Variants in SNRPN observed in about 807,000 individuals in gnomAD.
The protein encoded by SNRPN is small nuclear ribonucleoprotein-associated protein N.
Under a neutral mutation model 25.2 loss-of-function variants are expected in SNRPN, and 7 were observed. The ratio of observed to expected loss-of-function variants is 0.28; its 90% confidence interval spans 0.16 to 0.52. SNRPN has a LOEUF of 0.52. SNRPN is among the 20% of genes least tolerant of loss of function. The pLI, the probability that SNRPN is intolerant of heterozygous loss-of-function variation, is 0.96. For missense variants in SNRPN, 196 were observed against 322.5 expected, an observed-to-expected ratio of 0.61 and a Z score of 3.00; for synonymous variants, 124 against 110.6, an observed-to-expected ratio of 1.12 and a Z score of -0.76.
chr15:24,834,751 C>CTCTCTCTCTCTCTCTCTCTA lies in SNRPN; in HGVS notation c.-579+4847_-579+4848insCTCTCTCTCTCTCTCTCTAT. ...TCCCTCTCTCTCTCTCTCTCTCTCT[C>CTCTCTCTCTCTCTCTCTCTA]TATATATATATATATATATATATAT... On this transcript the variant is annotated intron_variant, in intron 2 of 12. Coordinates refer to the SNRPN transcript ENST00000400100. 4.6e-3 allele frequency among the ~76,000 whole-genome samples: 279 copies of CTCTCTCTCTCTCTCTCTCTA among 60,910 alleles called. 2 individuals carry two copies. Among genetic ancestry groups the CTCTCTCTCTCTCTCTCTCTA allele is most frequent in the Middle Eastern group, 7.6e-3 (1 of 132 alleles). 40.0% of individuals were successfully genotyped at this position (60,910 alleles called of 152,430 possible).
intron 2 of SNRPN, among the ~76,000 whole-genome samples, chr15:24,907,545 C>G (rs2058896149): frequency 6.6e-6 from 1 of 151,942 alleles, no homozygotes; most frequent in Non-Finnish European, 1.5e-5. Context: ...TTGCAGTGAG[C>G]CGAGATCGTG....
intron 2 of SNRPN, among the ~76,000 whole-genome samples, chr15:24,901,018 C>T (rs545263512): frequency 6.6e-5 from 10 of 152,252 alleles, no homozygotes; most frequent in African/African-American, 2.4e-4. Context: ...ATCACTTGAG[C>T]CCTGGAGGTT....
At chr15:24,889,364 A>G (rs1362849850) in intron 2 of SNRPN, among the ~76,000 whole-genome samples, 1 of 151,848 alleles carries the variant, frequency 6.6e-6, no homozygotes, top group Non-Finnish European at 1.5e-5. Context: ...GTTCAATGGC[A>G]CGATCTCCGC....
intron 3 of SNRPN, among the ~76,000 whole-genome samples, chr15:24,948,772 C>T (rs1339181612): frequency 6.6e-6 from 1 of 151,946 alleles, no homozygotes; most frequent in African/African-American, 2.4e-5. Context: ...TTATAATTCA[C>T]ATAGTATAAA....
At chr15:24,845,214 C>T (rs1219329990) in intron 2 of SNRPN, among the ~76,000 whole-genome samples, 1 of 152,182 alleles carries the variant, frequency 6.6e-6, no homozygotes, top group Non-Finnish European at 1.5e-5. Context: ...GCTATACATA[C>T]ATACATATAT....
intron 1 of SNRPN, among the ~76,000 whole-genome samples, chr15:24,884,535 C>T (rs927469243): frequency 4.6e-5 from 7 of 152,158 alleles, no homozygotes; most frequent in Non-Finnish European, 7.4e-5. Context: ...GCACAGACCA[C>T]GTTTCTCACC....
upstream of SNRPN, among the ~76,000 whole-genome samples, chr15:24,950,906 G>A (rs1033943612): frequency 2.0e-5 from 3 of 150,308 alleles, no homozygotes; most frequent in East Asian, 2.0e-4. Flanking sequence ...CTGTCGCCCA[G>A]GCTGGAGTGC....
chr15:24,910,917 T>C, intron 2 of SNRPN: 1 of 728,802 alleles, frequency 1.4e-6, no homozygotes. Context: ...AAGCCTTGCT[T>C]TTCCTCCTGT....
chr15:24,957,037 G>A (rs2063043943), intron 1 of SNRPN, among the ~76,000 whole-genome samples: 1 of 152,130 alleles, frequency 6.6e-6, no homozygotes. Context: ...TCCTCTCTTG[G>A]TTGTATTGTG....
chr15:24,969,930 C>T (rs540867643), intron 3 of SNRPN, among the ~76,000 whole-genome samples: 2 of 152,274 alleles, frequency 1.3e-5, no homozygotes, highest in South Asian at 4.1e-4. Flanking sequence ...GTAGTTGTGA[C>T]AGATTGAATG....
intron 8 of SNRPN, 94 bp downstream of exon 8, chr15:24,978,010 G>C: frequency 7.7e-7 from 1 of 1,299,936 alleles, no homozygotes; most frequent in Non-Finnish European, 1.1e-6. Context: ...AGAATTTGGG[G>C]AATATGCTTC....
At chr15:24,944,969 G>T (rs1033017428) in intron 3 of SNRPN, among the ~76,000 whole-genome samples, 1 of 152,112 alleles carries the variant, frequency 6.6e-6, no homozygotes, top group Non-Finnish European at 1.5e-5. Flanking sequence ...ATTAAAGAAG[G>T]TATCTGCTTT....
intron 2 of SNRPN, among the ~76,000 whole-genome samples, chr15:24,899,299 A>C (rs2058291110): frequency 6.6e-6 from 1 of 152,212 alleles, no homozygotes; most frequent in African/African-American, 2.4e-5. Flanking sequence ...TATTCCTTTA[A>C]TTAAAAGAAC....
intron 1 of SNRPN, among the ~76,000 whole-genome samples, chr15:24,879,091 T>G (rs1197779247): frequency 6.6e-6 from 1 of 152,132 alleles, no homozygotes; most frequent in Non-Finnish European, 1.5e-5. Context: ...CAATACTACT[T>G]TCAGCTAGTA....
chr15:24,976,490 G>C (rs1247534794), intron 6 of SNRPN, 74 bp downstream of exon 6: 1 of 1,018,160 alleles, frequency 9.8e-7, no homozygotes, highest in Non-Finnish European at 1.5e-6. Flanking sequence ...CTGAAATCAG[G>C]GTAGAGCAGA....
chr15:24,885,716 C>CCGTGTGTGTG (rs373086731), intron 1 of SNRPN, among the ~76,000 whole-genome samples: 18 of 141,734 alleles, frequency 1.3e-4, no homozygotes, highest in African/African-American at 2.3e-4. Flanking sequence ...GAATCTGGGG[C>CCGTGTGTGTG]TGTGTGTGTG....
intron 2 of SNRPN, among the ~76,000 whole-genome samples, chr15:24,913,857 A>G (rs1488804551): frequency 1.3e-5 from 2 of 152,368 alleles, no homozygotes; most frequent in African/African-American, 4.8e-5. Context: ...TTTGAATTCC[A>G]GCATATATAG....
intron 2 of SNRPN, among the ~76,000 whole-genome samples, chr15:24,900,440 G>A (rs141528582): frequency 0.011 from 1,747 of 152,258 alleles, 18 homozygotes; most frequent in Non-Finnish European, 0.016. Flanking sequence ...GTCAGGCTGA[G>A]CCTTTCTTAC....
At chr15:24,893,956 A>T (rs1171017394) in intron 2 of SNRPN, among the ~76,000 whole-genome samples, 1 of 152,230 alleles carries the variant, frequency 6.6e-6, no homozygotes, top group Non-Finnish European at 1.5e-5. Context: ...TGACTTACCC[A>T]TGAATGCAGA....
Sources: allele counts gnomAD v4.1 joint callset (sites outside exome capture counted in the v4.1 genomes callset), GRCh38; gene constraint gnomAD v4.1.1; transcripts MANE v1.5; gene names NCBI Gene and HGNC (gene_info 2026-07-23, HGNC 2026-07-21).